The following TACC2 variants were observed in gnomAD, a reference collection of about 807,000 sequenced individuals.
The protein encoded by TACC2 is transforming acidic coiled-coil containing protein 2.
TACC2 carries 137 observed loss-of-function variants against 227.3 expected under a neutral mutation model. The observed-to-expected ratio is 0.60, with a 90% CI of 0.52 to 0.69. TACC2 has a LOEUF of 0.69. Among genes scored for constraint, TACC2 ranks in the 30% least tolerant of loss-of-function variants. The pLI, the probability that TACC2 is intolerant of heterozygous loss-of-function variation, is 0.00. For missense variants in TACC2, 3,470 were observed against 3,694.4 expected (o/e 0.94, Z 1.57); for synonymous variants, 1,523 against 1,487.5 (o/e 1.02, Z -0.55).
intron 8 of TACC2, among the ~76,000 whole-genome samples, chr10:122,197,248 C>T (rs957232721): frequency 2.6e-5 from 4 of 152,144 alleles, no homozygotes; most frequent in African/African-American, 7.2e-5. Flanking sequence ...GTGACAGAAC[C>T]GGACTCTGTC....
rs542041430 is a variant in TACC2 at position 122,234,209 on chromosome 10, C to T, written c.8128-3186C>T. Among the ~76,000 whole-genome samples, 3 of 152,314 alleles carry T rather than the reference C, an allele frequency of 2.0e-5. No individual in the cohort carries two copies. In the South Asian group the frequency reaches 6.2e-4, roughly 32 times the overall value. ...TCCATGTCTGGCAGCAGGGAACTGTCGACAAGGGGGCTACGATGCCACCCC... is the reference window on the plus strand; with the variant it reads ...TCCATGTCTGGCAGCAGGGAACTGTTGACAAGGGGGCTACGATGCCACCCC... On this transcript the variant is annotated intron_variant, in intron 16 of 22. Transcript: ENST00000369005.
chr10:122,201,020 TGAGAGGA>T (rs2094808814), intron 8 of TACC2, among the ~76,000 whole-genome samples: 1 of 122,710 alleles, frequency 8.1e-6, no homozygotes, highest in African/African-American at 3.6e-5. Context: ...ACATCTACAG[TGAGAGGA>T]CGGCCACCTC....
Position 122,233,848 on chromosome 10 carries a change from C to G in TACC2, c.8127+3408C>G, listed in dbSNP as rs191138850. On this transcript the variant is annotated intron_variant, in intron 16 of 22. Transcript: ENST00000369005. ...TGCCACCTGTGGGAGTGGCATAAGG[C>G]CTGATGCTGAGTGCCTCCCCATGAT... Among the ~76,000 whole-genome samples the G allele has an allele frequency of 2.7e-3, 412 of 152,276 alleles. 3 individuals are homozygous for G. The highest frequency in any genetic ancestry group is 0.017 in the Middle Eastern group (5 of 294).
At chr10:122,221,337 A>G (rs1324235101) in intron 11 of TACC2, among the ~76,000 whole-genome samples, 1 of 152,154 alleles carries the variant, frequency 6.6e-6, no homozygotes, top group African/African-American at 2.4e-5. Flanking sequence ...AAGATTAGGA[A>G]CTATTGGTCT....
At chr10:122,010,313 A>T (rs1955764990) in intron 1 of TACC2, among the ~76,000 whole-genome samples, 1 of 152,096 alleles carries the variant, frequency 6.6e-6, no homozygotes, top group Non-Finnish European at 1.5e-5. Context: ...GTTCAAACTG[A>T]TGTCTGAGTT....
At chr10:122,028,112 G>C (rs1397303248) in intron 2 of TACC2, among the ~76,000 whole-genome samples, 9 of 80,812 alleles carry the variant, frequency 1.1e-4, no homozygotes, top group Non-Finnish European at 1.9e-4. Context: ...TTTTGAGATG[G>C]AGTCTCACTC....
chr10:121,998,161 A>T (rs777594106), intron 1 of TACC2, among the ~76,000 whole-genome samples: 4 of 151,916 alleles, frequency 2.6e-5, no homozygotes, highest in Non-Finnish European at 5.9e-5. Context: ...ATACAAAAAA[A>T]ATTAGCTGGG....
intron 7 of TACC2, among the ~76,000 whole-genome samples, chr10:122,174,667 C>T (rs977670018): frequency 3.3e-5 from 5 of 151,874 alleles, no homozygotes; most frequent in Admixed American, 6.6e-5. Context: ...AATGTATTAC[C>T]TCCCCTCCTT....
At chr10:122,053,262 T>C (rs891135136) in intron 3 of TACC2, among the ~76,000 whole-genome samples, 1 of 151,998 alleles carries the variant, frequency 6.6e-6, no homozygotes, top group Non-Finnish European at 1.5e-5. Context: ...TAGCAGCAGG[T>C]AAAGAGAAGA....
chr10:122,227,404 A>G (rs1207615225), intron 13 of TACC2, among the ~76,000 whole-genome samples: 2 of 152,202 alleles, frequency 1.3e-5, no homozygotes, highest in Non-Finnish European at 2.9e-5. Context: ...GGTGGTGAGA[A>G]CAATGATGAT....
At chr10:122,246,113 C>A (rs1468875477) in intron 19 of TACC2, among the ~76,000 whole-genome samples, 1 of 152,190 alleles carries the variant, frequency 6.6e-6, no homozygotes, top group Non-Finnish European at 1.5e-5. Flanking sequence ...AGGGTCCCTG[C>A]CCCAGCAGCA....
At position 122,224,524 on chromosome 10, in the gene TACC2, C is replaced by T. The variant is rs10510105; in HGVS notation, c.7547-202C>T. Among the ~76,000 whole-genome samples, 1,711 of 152,264 alleles carry T rather than the reference C, an allele frequency of 0.011. 116 individuals are homozygous for T. In the East Asian group the frequency reaches 0.21, roughly 18 times the overall value. ...TGGCAGAAGCCCCTTTACAGCAAGACATTTACCGTTTGTCTGAAAATAGCC... is the reference window on the plus strand; with the variant it reads ...TGGCAGAAGCCCCTTTACAGCAAGATATTTACCGTTTGTCTGAAAATAGCC... On this transcript the variant is annotated intron_variant, in intron 11 of 22. Transcript: ENST00000369005.
At chr10:122,173,646 TGG>T (rs1172852889) in intron 7 of TACC2, among the ~76,000 whole-genome samples, 2 of 152,226 alleles carry the variant, frequency 1.3e-5, no homozygotes, top group East Asian at 3.9e-4. Context: ...CTGATGGCCC[TGG>T]GGTCAGTGGG....
chr10:122,016,566 T>TAAA (rs35641018), intron 1 of TACC2, among the ~76,000 whole-genome samples: 3 of 135,158 alleles, frequency 2.2e-5, no homozygotes, highest in Admixed American at 7.5e-5. Context: ...GACTCTGTCT[T>TAAA]AAAAAAAAAA....
At chr10:122,149,140 C>G (rs2091756545) in intron 7 of TACC2, among the ~76,000 whole-genome samples, 1 of 152,234 alleles carries the variant, frequency 6.6e-6, no homozygotes, top group African/African-American at 2.4e-5. Flanking sequence ...GCAGCCACAG[C>G]TGACCTCTGA....
At chr10:122,139,797 T>G (rs1170047541) in intron 6 of TACC2, among the ~76,000 whole-genome samples, 1 of 152,204 alleles carries the variant, frequency 6.6e-6, no homozygotes, top group Non-Finnish European at 1.5e-5. Flanking sequence ...TAAGATGCTG[T>G]CACCCATCTG....
At chr10:121,997,451 C>CT (rs977027338) in intron 1 of TACC2, among the ~76,000 whole-genome samples, 1 of 152,190 alleles carries the variant, frequency 6.6e-6, no homozygotes, top group African/African-American at 2.4e-5. Flanking sequence ...TATCAAATAT[C>CT]TAAAGAGAAA....
chr10:121,989,568 T>C (rs1952946131), intron 1 of TACC2, 80 bp downstream of exon 1: 1 of 152,136 alleles, frequency 6.6e-6, no homozygotes, highest in African/African-American at 2.4e-5. Flanking sequence ...GAAAACCCTA[T>C]CTTCTTAGGT....
chr10:122,132,080 A>AAGAAAGAAAGAG (rs2088361680), intron 5 of TACC2, among the ~76,000 whole-genome samples: 1 of 100,486 alleles, frequency 1.0e-5, no homozygotes, highest in Non-Finnish European at 1.9e-5. Context: ...GAAAGAAAGA[A>AAGAAAGAAAGAG]AGAGAAAGAT....
Sources: allele counts gnomAD v4.1 joint callset (sites outside exome capture counted in the v4.1 genomes callset), GRCh38; gene constraint gnomAD v4.1.1; transcripts MANE v1.5; gene names NCBI Gene and HGNC (gene_info 2026-07-23, HGNC 2026-07-21).